ASH1L: variants seen among roughly 807,000 people sequenced by gnomAD.
ASH1L encodes ASH1 like histone lysine methyltransferase.
In ASH1L, 23 loss-of-function variants were observed where a neutral mutation model predicts 269.0. The observed-to-expected ratio is 0.09, with a 90% CI of 0.06 to 0.12. The LOEUF (loss-of-function observed/expected upper bound fraction) is 0.12. Ranked by LOEUF, ASH1L falls within the 10% of genes least tolerant of loss-of-function variation. The pLI, the probability that ASH1L is intolerant of heterozygous loss-of-function variation, is 1.00. For missense variants in ASH1L, 2,912 were observed against 3,567.8 expected (o/e 0.82, Z 4.68); for synonymous variants, 1,187 against 1,253.5 (o/e 0.95, Z 1.12).
chr1:155,382,875 G>A lies in ASH1L; in HGVS notation c.6104-2759C>T, dbSNP rs181796547. 3.3e-3 allele frequency among the ~76,000 whole-genome samples: 498 copies of A among 152,164 alleles called. 3 individuals are homozygous for A. The highest frequency in any genetic ancestry group is 0.012 in the African/African-American group (481 of 41,520). On this transcript the variant is annotated intron_variant, in intron 7 of 27. Transcript: ENST00000392403. Reference sequence around the variant, plus strand: ...CAAGTTGCTGGCACTACAGGCATGTGCCACCATGCCTGGCTGATTTTTTAT... The same window carrying A: ...CAAGTTGCTGGCACTACAGGCATGTACCACCATGCCTGGCTGATTTTTTAT...
intron 3 of ASH1L, among the ~76,000 whole-genome samples, chr1:155,464,421 A>G (rs894068995): frequency 6.6e-6 from 1 of 152,118 alleles, no homozygotes; most frequent in Admixed American, 6.6e-5. Context: ...TACGTAGACC[A>G]CCGCTGTGTC....
At chr1:155,364,397 T>C (rs1558034081) in intron 12 of ASH1L, among the ~76,000 whole-genome samples, 1 of 152,222 alleles carries the variant, frequency 6.6e-6, no homozygotes, top group Non-Finnish European at 1.5e-5. Flanking sequence ...TGGTAGGTTG[T>C]GCCATTTTTT....
chr1:155,510,135 G>A (rs1668070096), intron 2 of ASH1L, among the ~76,000 whole-genome samples: 1 of 152,080 alleles, frequency 6.6e-6, no homozygotes, highest in Admixed American at 6.6e-5. Flanking sequence ...AAAATTATAT[G>A]CTGGGCGCAG....
At chr1:155,408,672 G>A (rs1659512779) in intron 6 of ASH1L, among the ~76,000 whole-genome samples, 1 of 152,164 alleles carries the variant, frequency 6.6e-6, no homozygotes, top group East Asian at 1.9e-4. Flanking sequence ...GGCTCCTGTG[G>A]TAAAATCAGG....
chr1:155,542,824 T>C, intron 1 of ASH1L, among the ~76,000 whole-genome samples: 1 of 151,314 alleles, frequency 6.6e-6, no homozygotes, highest in Non-Finnish European at 1.5e-5. Context: ...GGATTACATG[T>C]GCCCGCCACC....
rs139245384 is a variant in ASH1L, at chr1:155,446,126, C to T, written c.5087-7058G>A. On this transcript the variant is annotated intron_variant, in intron 4 of 27. Transcript: ENST00000392403. ...CTCGAACTCCTGACCTCAAATGATC[C>T]ATCTGCCTCGGCCTCCCAAACTGCT... Among the ~76,000 whole-genome samples the T allele has an allele frequency of 7.0e-3, 1,048 of 150,692 alleles. 3 individuals are homozygous for T. The highest frequency in any genetic ancestry group is 8.9e-3 in the Non-Finnish European group (600 of 67,740).
chr1:155,422,078 T>C (rs1424554078), intron 5 of ASH1L, among the ~76,000 whole-genome samples: 1 of 152,198 alleles, frequency 6.6e-6, no homozygotes, highest in Non-Finnish European at 1.5e-5. Flanking sequence ...AATTTGTCTA[T>C]TCCAGGTTCC....
intron 4 of ASH1L, chr1:155,440,639 C>T (rs1048586860): frequency 1.4e-5 from 5 of 357,954 alleles, no homozygotes; most frequent in African/African-American, 1.1e-4. Context: ...TTTCTCCAAC[C>T]TTTAAATGCT....
At position 155,370,826 on chromosome 1, in the gene ASH1L, G is replaced by C. The variant is rs1160127459; in HGVS notation, c.6490C>G (p.Gln2164Glu). 1 of 1,614,114 alleles carries C rather than the reference G, an allele frequency of 6.2e-7. No homozygotes were observed. Among genetic ancestry groups the C allele is most frequent in the South Asian group, 1.1e-5 (1 of 91,086 alleles). ...IRTKEPLKAGQFIIEYLGEVV... is the reference protein window; with the variant it reads ...IRTKEPLKAGEFIIEYLGEVV... ...TCCCCTAGGTATTCAATGATGAACT[G>C]CCCAGCTTTTAGGGGCTCTTTGGTT... Residue 2164 changes from glutamine to glutamate, a missense_variant, in exon 11 of 28, where the codon CAG (glutamine) becomes GAG (glutamate). Physicochemically the swap from Gln to Glu is conservative, Grantham distance 29. Around this residue, in one of 13 missense-constraint regions of ASH1L, gnomAD observed 193 missense variants for 311.6 expected, o/e 0.62. Transcript: ENST00000392403.
chr1:155,465,290 A>C (rs1311433702), intron 3 of ASH1L, among the ~76,000 whole-genome samples: 8 of 52,186 alleles, frequency 1.5e-4, no homozygotes, highest in East Asian at 2.1e-3. Flanking sequence ...ACAAATTAGC[A>C]AAAAAAAAAA....
chr1:155,539,302 G>C (rs1050752091), intron 1 of ASH1L, among the ~76,000 whole-genome samples: 2 of 151,600 alleles, frequency 1.3e-5, no homozygotes, highest in Admixed American at 6.6e-5. Context: ...ATTACATAGA[G>C]TTCCTCTCCA....
At chr1:155,499,165 T>C (rs1558169210) in intron 2 of ASH1L, among the ~76,000 whole-genome samples, 1 of 152,134 alleles carries the variant, frequency 6.6e-6, no homozygotes, top group Non-Finnish European at 1.5e-5. Context: ...ACTAGCATAA[T>C]TTCTTAAATA....
chr1:155,561,207 G>A (rs1671941300), intron 1 of ASH1L, among the ~76,000 whole-genome samples: 2 of 151,994 alleles, frequency 1.3e-5, no homozygotes, highest in South Asian at 4.2e-4. Context: ...CTTTCTTATT[G>A]TATTGTAAAC....
At chr1:155,383,023 C>T (rs1657119322) in intron 7 of ASH1L, among the ~76,000 whole-genome samples, 1 of 151,952 alleles carries the variant, frequency 6.6e-6, no homozygotes, top group African/African-American at 2.4e-5. Context: ...ATGCCTGGCC[C>T]TCTTTTCGCT....
intron 4 of ASH1L, among the ~76,000 whole-genome samples, chr1:155,450,182 T>C (rs1663362344): frequency 6.6e-6 from 1 of 152,236 alleles, no homozygotes; most frequent in Admixed American, 6.5e-5. Flanking sequence ...TATGTATGTG[T>C]TTTTAATTTT....
chr1:155,349,502 T>A, intron 18 of ASH1L, 40 bp downstream of exon 18: 1 of 1,614,042 alleles, frequency 6.2e-7, no homozygotes, highest in Non-Finnish European at 8.5e-7. Context: ...CACTTAGCAC[T>A]TTTTAAAAAC....
At chr1:155,420,502 A>G (rs1470125338) in intron 5 of ASH1L, among the ~76,000 whole-genome samples, 1 of 151,746 alleles carries the variant, frequency 6.6e-6, no homozygotes, top group Non-Finnish European at 1.5e-5. Context: ...GAAAACCAAA[A>G]TATAAATCTA....
At position 155,338,375 on chromosome 1, in the gene ASH1L, A is replaced by G. The variant is rs753652732; in HGVS notation, c.8517T>C (p.Ser2839=). 6 of 1,612,968 alleles carry G rather than the reference A, an allele frequency of 3.7e-6. No individual in the cohort carries two copies. The Admixed American group carries it at 8.3e-5, about 22-fold the overall frequency. Reference sequence around the variant, plus strand: ...CTTTTAGGGGTGGCTTTGAGCGCTCAGACTTCCAGGATGATCTGCCAGAAG... The same window carrying G: ...CTTTTAGGGGTGGCTTTGAGCGCTCGGACTTCCAGGATGATCTGCCAGAAG... ...KRNGGRSSWK[S]ERSKPPLKDL... Residue 2839 remains serine (S), a synonymous_variant, in exon 27 of 28, where the codon TCT becomes TCC. Coordinates refer to ENST00000392403, the MANE Select transcript of ASH1L (RefSeq NM_018489.3).
chr1:155,444,091 C>A (rs535630463), intron 4 of ASH1L, among the ~76,000 whole-genome samples: 2 of 144,478 alleles, frequency 1.4e-5, no homozygotes, highest in South Asian at 4.4e-4. Flanking sequence ...TCAAGTGATT[C>A]TCCTGCCTCA....
Sources: allele counts gnomAD v4.1 joint callset (sites outside exome capture counted in the v4.1 genomes callset), GRCh38; gene constraint gnomAD v4.1.1; regional missense constraint gnomAD v4.1.1; transcripts MANE v1.5; gene names NCBI Gene and HGNC (gene_info 2026-07-23, HGNC 2026-07-21).